TRPC5OS: variants seen among roughly 807,000 people sequenced by gnomAD.
The protein encoded by TRPC5OS is TRPC5 opposite strand, also known as putative uncharacterized protein TRPC5OS.
For missense variants in TRPC5OS, 64 were observed against 79.3 expected (o/e 0.81, Z 0.73); for synonymous variants, 30 against 29.3 (o/e 1.02, Z -0.08).
intron 1 of TRPC5OS, among the ~76,000 whole-genome samples, chrX:111,888,446 G>C (rs375708559): frequency 2.9e-5 from 3 of 105,110 alleles, no homozygotes; most frequent in African/African-American, 1.0e-4. Context: ...AGGCCGAGGC[G>C]GGCGGATCAC....
At chrX:111,892,428 A>T (rs933593540) in intron 1 of TRPC5OS, among the ~76,000 whole-genome samples, 4 of 112,028 alleles carry the variant, frequency 3.6e-5, no homozygotes, top group Non-Finnish European at 7.5e-5. Flanking sequence ...CATTGTCACA[A>T]TACGAGGTGG....
At chrX:111,901,447 C>A (rs1011700768) in intron 3 of TRPC5OS, 93 bp from the exon 4 acceptor site, 32 of 114,430 alleles carry the variant, frequency 2.8e-4, no homozygotes, top group Admixed American at 6.5e-4. Flanking sequence ...ACCTTAACAG[C>A]AATTCTTGAT....
intron 1 of TRPC5OS, among the ~76,000 whole-genome samples, chrX:111,892,777 C>A (rs1029203096): frequency 9.0e-6 from 1 of 111,646 alleles, no homozygotes; most frequent in Admixed American, 9.5e-5. Flanking sequence ...TCTGGCATGT[C>A]CTTCCAATTT....
chrX:111,883,864 C>A (rs1367434245), intron 1 of TRPC5OS, among the ~76,000 whole-genome samples: 2 of 112,727 alleles, frequency 1.8e-5, no homozygotes, highest in Non-Finnish European at 3.7e-5. Flanking sequence ...TAGTCCTAAT[C>A]AGAACTTAGT....
chrX:111,877,199 A>G (rs1923990095), intron 1 of TRPC5OS, among the ~76,000 whole-genome samples: 1 of 111,778 alleles, frequency 8.9e-6, no homozygotes. Flanking sequence ...GTGGAAGTTG[A>G]AAGGAAGTGA....
intron 1 of TRPC5OS, among the ~76,000 whole-genome samples, chrX:111,882,717 TA>T (rs1254085386): frequency 8.9e-6 from 1 of 112,655 alleles, no homozygotes; most frequent in Non-Finnish European, 1.9e-5. Context: ...TAAGCCCACC[TA>T]AGGCCTACTC....
intron 1 of TRPC5OS, among the ~76,000 whole-genome samples, chrX:111,891,591 A>C: frequency 9.0e-6 from 1 of 111,255 alleles, no homozygotes; most frequent in South Asian, 3.9e-4. Flanking sequence ...CCCAGGCTGG[A>C]GTGCAATGGT....
chrX:111,898,630 A>G (rs144155151), intron 3 of TRPC5OS, among the ~76,000 whole-genome samples: 1,401 of 110,656 alleles, frequency 0.013, 17 homozygotes, highest in African/African-American at 0.043. Context: ...AATCAGACAG[A>G]TTTCTTAGTC....
At chrX:111,891,148 C>T (rs186095844) in intron 1 of TRPC5OS, among the ~76,000 whole-genome samples, 1 of 111,998 alleles carries the variant, frequency 8.9e-6, no homozygotes, top group Non-Finnish European at 1.9e-5. Context: ...CATGTCTTTG[C>T]TATTGTGAAT....
At position 111,903,407 on chromosome X, in the gene TRPC5OS, G is replaced by A. The variant is rs968527263; in HGVS notation, c.*1222G>A. 7.1e-5 allele frequency: 8 copies of A among 112,370 alleles called. No homozygotes were observed. The highest frequency in any genetic ancestry group is 3.8e-4 in the Admixed American group (4 of 10,593). 9.3% of individuals were successfully genotyped at this position (112,370 alleles called of 1,213,427 possible). On this transcript the variant is annotated 3_prime_UTR_variant, in exon 4 of 4. Transcript: ENST00000635763. ...GCGACGGTTTATGATGGAAAGCCAT[G>A]ATATGGAGTTAGTTTCTAAACAGGT...
intron 1 of TRPC5OS, among the ~76,000 whole-genome samples, chrX:111,881,201 A>C (rs1323002294): frequency 1.1e-5 from 1 of 90,170 alleles, no homozygotes; most frequent in Non-Finnish European, 1.9e-5. Flanking sequence ...TTTTTGAGAC[A>C]GAATCTCACC....
At chrX:111,892,154 C>T (rs766633603) in intron 1 of TRPC5OS, among the ~76,000 whole-genome samples, 60 of 112,056 alleles carry the variant, frequency 5.4e-4, no homozygotes, top group African/African-American at 1.9e-3. Flanking sequence ...CTTAGTCTTT[C>T]TCTTATCAAA....
intron 1 of TRPC5OS, among the ~76,000 whole-genome samples, chrX:111,886,400 C>A (rs1233230815): frequency 8.9e-6 from 1 of 112,685 alleles, no homozygotes; most frequent in African/African-American, 3.2e-5. Context: ...ATGTTTGCAT[C>A]CATGTATTAT....
At chrX:111,883,101 A>G (rs1170141933) in intron 1 of TRPC5OS, among the ~76,000 whole-genome samples, 2 of 110,640 alleles carry the variant, frequency 1.8e-5, no homozygotes, top group East Asian at 5.7e-4. Flanking sequence ...AAAAAAAAAA[A>G]AAAGACCTAG....
chrX:111,884,600 C>T (rs1473257070), intron 1 of TRPC5OS, among the ~76,000 whole-genome samples: 2 of 112,585 alleles, frequency 1.8e-5, no homozygotes, highest in African/African-American at 6.4e-5. Flanking sequence ...AAGGTCTAGT[C>T]ATAACCTAAG....
At chrX:111,900,599 T>G (rs1925292584) in intron 3 of TRPC5OS, among the ~76,000 whole-genome samples, 1 of 111,574 alleles carries the variant, frequency 9.0e-6, no homozygotes, top group African/African-American at 3.3e-5. Context: ...AAAACTAATG[T>G]AGACCCTGAA....
At chrX:111,879,797 A>G (rs1408846427) in intron 1 of TRPC5OS, among the ~76,000 whole-genome samples, 1 of 112,615 alleles carries the variant, frequency 8.9e-6, no homozygotes, top group Non-Finnish European at 1.9e-5. Context: ...CCAGGGGCAT[A>G]TAGCTACAAG....
At chrX:111,884,840 A>C (rs961439627) in intron 1 of TRPC5OS, among the ~76,000 whole-genome samples, 4 of 112,883 alleles carry the variant, frequency 3.5e-5, no homozygotes, top group African/African-American at 1.3e-4. Context: ...GAGGAGACAT[A>C]GAGTTTAGTT....
intron 1 of TRPC5OS, among the ~76,000 whole-genome samples, chrX:111,878,454 A>G (rs1924059995): frequency 1.8e-5 from 2 of 112,011 alleles, no homozygotes; most frequent in South Asian, 7.5e-4. Context: ...TGCCCACAAG[A>G]AAGACCTTCA....
Sources: allele counts gnomAD v4.1 joint callset (sites outside exome capture counted in the v4.1 genomes callset), GRCh38; gene constraint gnomAD v4.1.1; transcripts MANE v1.5; gene names NCBI Gene and HGNC (gene_info 2026-07-23, HGNC 2026-07-21).